Variants in ARHGAP8 observed in about 807,000 individuals in gnomAD.
ARHGAP8 encodes the protein rho GTPase-activating protein 8.
In ARHGAP8, 62 loss-of-function variants were observed where a neutral mutation model predicts 46.1. The ratio of observed to expected loss-of-function variants is 1.34; its 90% confidence interval spans 1.10 to 1.66. The LOEUF is 1.66. Among genes scored for constraint, ARHGAP8 ranks in the 40% most tolerant of loss-of-function variants. The pLI is 0.00. For synonymous variants in ARHGAP8, 375 were observed against 243.1 expected (o/e 1.54, Z -5.05); for missense variants, 923 against 568.4 (o/e 1.62, Z -6.34).
chr22:44,860,519 A>C (rs1164454766), intron 11 of ARHGAP8, among the ~76,000 whole-genome samples: 1 of 135,992 alleles, frequency 7.4e-6, no homozygotes, highest in Non-Finnish European at 1.6e-5. Context: ...ACCCACCCAG[A>C]TGACGCGGGA....
At chr22:44,843,824 C>CAAAA (rs56308320) in intron 7 of ARHGAP8, among the ~76,000 whole-genome samples, 3 of 93,094 alleles carry the variant, frequency 3.2e-5, no homozygotes, top group African/African-American at 7.2e-5. Context: ...GACCTTGTCT[C>CAAAA]AAAAAAAAAA....
chr22:44,792,139 G>A (rs985596896), intron 2 of ARHGAP8, among the ~76,000 whole-genome samples: 10 of 151,820 alleles, frequency 6.6e-5, no homozygotes, highest in Non-Finnish European at 1.2e-4. Flanking sequence ...AGCCTCCCGA[G>A]TAGCTGAGAT....
intron 2 of ARHGAP8, among the ~76,000 whole-genome samples, chr22:44,788,245 A>G (rs979264943): frequency 9.9e-5 from 15 of 152,048 alleles, no homozygotes; most frequent in African/African-American, 3.4e-4. Context: ...CAGCCTCCCA[A>G]GTAGCTGGGA....
chr22:44,862,648 T>G lies in ARHGAP8; in HGVS notation c.*53T>G, dbSNP rs527273662. 2.7e-6 allele frequency: 4 copies of G among 1,503,198 alleles called. No homozygotes were observed. Among genetic ancestry groups the G allele is most frequent in the East Asian group, 2.3e-5 (1 of 43,730 alleles). 93.1% of individuals were successfully genotyped at this position (1,503,198 alleles called of 1,614,324 possible). ...CTACCTCCCACACCTGTCTGTGCAC[T>G]TGTATGTTTTGTAAACTTGGCATCT... On this transcript the variant is annotated 3_prime_UTR_variant, in exon 12 of 12. Coordinates refer to ENST00000356099, the MANE Select transcript of ARHGAP8 (RefSeq NM_181335.3).
At chr22:44,849,129 A>T in intron 10 of ARHGAP8, 69 bp downstream of exon 10, 1 of 1,602,294 alleles carries the variant, frequency 6.2e-7, no homozygotes, top group East Asian at 2.2e-5. Context: ...CTACTGGCCC[A>T]GGGTCAGGCT....
intron 7 of ARHGAP8, among the ~76,000 whole-genome samples, chr22:44,835,520 C>G (rs566212215): frequency 6.6e-6 from 1 of 152,140 alleles, no homozygotes; most frequent in Non-Finnish European, 1.5e-5. Flanking sequence ...ACTCAGGAGG[C>G]TGAGGCAGGA....
intron 1 of ARHGAP8, among the ~76,000 whole-genome samples, chr22:44,756,482 G>T (rs372865877): frequency 1.3e-5 from 2 of 152,082 alleles, no homozygotes; most frequent in East Asian, 3.9e-4. Flanking sequence ...TATTTGTGGA[G>T]AATTTTAGAC....
At chr22:44,812,917 T>C (rs1929440710) in intron 4 of ARHGAP8, among the ~76,000 whole-genome samples, 1 of 152,160 alleles carries the variant, frequency 6.6e-6, no homozygotes. Context: ...AATCCATTAC[T>C]ATCATTTTAA....
intron 1 of ARHGAP8, among the ~76,000 whole-genome samples, chr22:44,764,357 GA>G (rs1925386557): frequency 1.3e-5 from 2 of 152,178 alleles, no homozygotes; most frequent in African/African-American, 2.4e-5. Flanking sequence ...AGGAAGAGGA[GA>G]GGGGTCCCAT....
chr22:44,837,076 G>T (rs1413994505), intron 7 of ARHGAP8, among the ~76,000 whole-genome samples: 1 of 152,112 alleles, frequency 6.6e-6, no homozygotes, highest in Non-Finnish European at 1.5e-5. Flanking sequence ...GTAGAAACGG[G>T]GTTTCACCAT....
chr22:44,857,606 G>T (rs2070265716), intron 10 of ARHGAP8, among the ~76,000 whole-genome samples: 1 of 152,142 alleles, frequency 6.6e-6, no homozygotes, highest in South Asian at 2.1e-4. Context: ...AGTGAGCCTG[G>T]GGCAGGAAAC....
Position 44,862,578 on chromosome 22 carries a change from G to C in ARHGAP8, c.1285G>C (p.Ala429Pro). 5 of 1,585,858 alleles carry C rather than the reference G, an allele frequency of 3.2e-6. No individual in the cohort carries two copies. The South Asian group carries it at 5.6e-5, about 18-fold the overall frequency. Residue 429 changes from alanine to proline, a missense_variant, in exon 12 of 12, where the codon GCC (alanine) becomes CCC (proline). Ala to Pro is a conservative substitution (Grantham distance 27). Coordinates refer to ENST00000356099, the MANE Select transcript of ARHGAP8 (RefSeq NM_181335.3). Reference sequence around the variant, plus strand: ...CCTACCTCCGAGTCCCCTGATGGCAGCCAGAAGACGTCTCTAGTGTTGCGA... The same window carrying C: ...CCTACCTCCGAGTCCCCTGATGGCACCCAGAAGACGTCTCTAGTGTTGCGA... Reference protein sequence around the residue: ...PTLPPSPLMAARRRL With the variant: ...PTLPPSPLMAPRRRL
chr22:44,855,477 C>T (rs2070197774), intron 10 of ARHGAP8, among the ~76,000 whole-genome samples: 1 of 152,142 alleles, frequency 6.6e-6, no homozygotes, highest in Admixed American at 6.5e-5. Context: ...AAACCAAGAT[C>T]TTATAACTTT....
rs35257490 is a variant in ARHGAP8, at chr22:44,754,338, TTGTG to T, written c.-72+1744_-72+1747del. 4.9e-3 allele frequency among the ~76,000 whole-genome samples: 718 copies of T among 146,572 alleles called. 4 individuals are homozygous for T. The highest frequency in any genetic ancestry group is 0.01 in the African/African-American group (401 of 38,990). On this transcript the variant is annotated intron_variant, in intron 1 of 11. Coordinates refer to ENST00000356099, the MANE Select transcript of ARHGAP8 (RefSeq NM_181335.3). ...ATAACATCATTGGGTCATTGAAACT[TTGTG>T]TGTGTGTGTGTGTGTGTGTGTGTGT...
At chr22:44,829,171 A>ATC (rs1930757153) in intron 7 of ARHGAP8, among the ~76,000 whole-genome samples, 1 of 149,514 alleles carries the variant, frequency 6.7e-6, no homozygotes, top group Non-Finnish European at 1.5e-5. Context: ...CACACCTGTA[A>ATC]TCCCAGCTAC....
chr22:44,835,199 T>C (rs781665905), intron 7 of ARHGAP8, among the ~76,000 whole-genome samples: 2 of 151,164 alleles, frequency 1.3e-5, no homozygotes, highest in Non-Finnish European at 2.9e-5. Context: ...ACATACTTTC[T>C]AGTGTACTGT....
chr22:44,791,840 G>C lies in ARHGAP8; in HGVS notation c.79+5234G>C, dbSNP rs147157100. ...CATCAGGAACAACAAGGATGGAGGTGCCTGGAGAAGAGCTTAGTGGAAGCC... is the reference window on the plus strand; with the variant it reads ...CATCAGGAACAACAAGGATGGAGGTCCCTGGAGAAGAGCTTAGTGGAAGCC... On this transcript the variant is annotated intron_variant, in intron 2 of 11. Transcript: ENST00000356099. Among the ~76,000 whole-genome samples the C allele has an allele frequency of 1.7e-3, 252 of 152,288 alleles. 1 individual carries two copies. Among genetic ancestry groups the C allele is most frequent in the African/African-American group, 5.9e-3 (246 of 41,552 alleles).
At chr22:44,777,823 G>A (rs1926533421) in intron 1 of ARHGAP8, among the ~76,000 whole-genome samples, 1 of 152,038 alleles carries the variant, frequency 6.6e-6, no homozygotes, top group Non-Finnish European at 1.5e-5. Context: ...ACCCTCCCAA[G>A]TAGCTGGGAT....
At chr22:44,790,676 C>CA (rs369579126) in intron 2 of ARHGAP8, among the ~76,000 whole-genome samples, 8,320 of 49,386 alleles carry the variant, frequency 0.17, 868 homozygotes, top group Middle Eastern at 0.22. Context: ...AACTCTGTCT[C>CA]AAAAAAAAAA....
Sources: allele counts gnomAD v4.1 joint callset (sites outside exome capture counted in the v4.1 genomes callset), GRCh38; gene constraint gnomAD v4.1.1; transcripts MANE v1.5; gene names NCBI Gene and HGNC (gene_info 2026-07-23, HGNC 2026-07-21).